The following DAPK1 variants were observed in gnomAD, a reference collection of about 807,000 sequenced individuals.
DAPK1 encodes death associated protein kinase 1, also known as death-associated protein kinase 1.
In DAPK1, 56 loss-of-function variants were observed where a neutral mutation model predicts 144.9. That is an observed-to-expected ratio of 0.39 (90% confidence interval 0.31 to 0.48). The LOEUF is 0.48. Among genes scored for constraint, DAPK1 ranks in the 20% least tolerant of loss-of-function variants. DAPK1 has a pLI of 0.95. For synonymous variants in DAPK1, 690 were observed against 749.0 expected (o/e 0.92, Z 1.29); for missense variants, 1,454 against 1,875.4 (o/e 0.78, Z 4.15).
chr9:87,580,689 G>C (rs1827722955), intron 2 of DAPK1, among the ~76,000 whole-genome samples: 1 of 152,152 alleles, frequency 6.6e-6, no homozygotes, highest in South Asian at 2.1e-4. Context: ...CTCCTACTCT[G>C]TATGACTTTA....
intron 2 of DAPK1, among the ~76,000 whole-genome samples, chr9:87,543,869 A>G (rs1563984295): frequency 2.0e-5 from 3 of 152,122 alleles, no homozygotes; most frequent in Non-Finnish European, 4.4e-5. Context: ...GTATTATGCT[A>G]TAGTTTTAAG....
chr9:87,650,205 G>T (rs766109774), intron 16 of DAPK1, 87 bp downstream of exon 16: 3 of 1,394,424 alleles, frequency 2.2e-6, no homozygotes, highest in Admixed American at 3.6e-5. Context: ...GTTTCCCTAA[G>T]ATAACAAACT....
intron 2 of DAPK1, among the ~76,000 whole-genome samples, chr9:87,537,846 C>T (rs1825911186): frequency 1.3e-5 from 2 of 152,052 alleles, no homozygotes; most frequent in South Asian, 2.1e-4. Flanking sequence ...AAAATCAAGC[C>T]CCTAAAGCTA....
At chr9:87,522,082 G>T (rs922664259) in intron 2 of DAPK1, among the ~76,000 whole-genome samples, 1 of 152,144 alleles carries the variant, frequency 6.6e-6, no homozygotes, top group African/African-American at 2.4e-5. Flanking sequence ...AGACTTCCCA[G>T]CCTCCAGGAC....
Position 87,653,347 on chromosome 9 carries a change from A to G in DAPK1, c.1824+1623A>G, listed in dbSNP as rs12353347. On this transcript the variant is annotated intron_variant, in intron 17 of 25. Coordinates refer to ENST00000408954, the MANE Select transcript of DAPK1 (RefSeq NM_004938.4). ...TGCATGTGTTTGTTGTTGAAAGTGA[A>G]TATTACTTATATGGACATGTACTTT... Among the ~76,000 whole-genome samples, 465 of 152,392 alleles carry G rather than the reference A, an allele frequency of 3.1e-3. 2 individuals carry two copies. The highest frequency in any genetic ancestry group is 9.4e-3 in the African/African-American group (389 of 41,602).
Position 87,667,345 on chromosome 9 carries a change from G to A in DAPK1, c.1924-1252G>A, listed in dbSNP as rs561254138. ...CCTGGGCTTCAACCGGCAGCCTAAG[G>A]CAGTGGTTCTCAGCAAGGCAATTTT... On this transcript the variant is annotated intron_variant, in intron 18 of 25. Transcript: ENST00000408954. Among the ~76,000 whole-genome samples the A allele has an allele frequency of 6.9e-4, 105 of 152,346 alleles. No individual in the cohort carries two copies. The Middle Eastern group carries it at 0.014, about 20-fold the overall frequency.
chr9:87,561,641 T>TC (rs1171574288), intron 2 of DAPK1, among the ~76,000 whole-genome samples: 1 of 152,216 alleles, frequency 6.6e-6, no homozygotes, highest in Non-Finnish European at 1.5e-5. Flanking sequence ...ATAAAGAAAT[T>TC]CCCCAGACCT....
chr9:87,639,895 T>TTGA, intron 7 of DAPK1, 80 bp downstream of exon 7: 1 of 1,476,078 alleles, frequency 6.8e-7, no homozygotes, highest in Non-Finnish European at 9.4e-7. Context: ...ATGTGCTGTG[T>TTGA]TGATCTCTTC....
intron 23 of DAPK1, 23 bp downstream of exon 23, chr9:87,698,817 C>T (rs753781944): frequency 2.6e-6 from 4 of 1,520,066 alleles, no homozygotes; most frequent in Admixed American, 1.7e-5. Flanking sequence ...CACTTAGTCT[C>T]CAGCTCACGG....
chr9:87,536,970 T>C (rs185880825), intron 2 of DAPK1, among the ~76,000 whole-genome samples: 37 of 152,112 alleles, frequency 2.4e-4, no homozygotes, highest in African/African-American at 8.2e-4. Context: ...AAAGTTGATA[T>C]TGGAGACATG....
At chr9:87,534,732 C>T (rs560979463) in intron 2 of DAPK1, among the ~76,000 whole-genome samples, 2 of 151,966 alleles carry the variant, frequency 1.3e-5, no homozygotes, top group African/African-American at 4.8e-5. Flanking sequence ...GCAACCTCCG[C>T]CTCCCAGGTT....
At chr9:87,652,339 T>A (rs2119185997) in intron 17 of DAPK1, among the ~76,000 whole-genome samples, 1 of 119,566 alleles carries the variant, frequency 8.4e-6, no homozygotes, top group Non-Finnish European at 1.7e-5. Context: ...TCCCACCTGA[T>A]CCCGGGTCCT....
At chr9:87,555,058 G>T (rs1283632906) in intron 2 of DAPK1, among the ~76,000 whole-genome samples, 1 of 152,216 alleles carries the variant, frequency 6.6e-6, no homozygotes, top group African/African-American at 2.4e-5. Flanking sequence ...AAAGAAGTGG[G>T]GAAAGCTGTG....
intron 3 of DAPK1, among the ~76,000 whole-genome samples, chr9:87,621,951 A>G (rs1829308805): frequency 6.6e-6 from 1 of 151,088 alleles, no homozygotes; most frequent in African/African-American, 2.4e-5. Flanking sequence ...CCTTTTTCAC[A>G]CGTTACCACC....
chr9:87,578,680 G>GA (rs1323154777), intron 2 of DAPK1, among the ~76,000 whole-genome samples: 1 of 152,170 alleles, frequency 6.6e-6, no homozygotes, highest in Non-Finnish European at 1.5e-5. Context: ...AACAAAACCA[G>GA]AAAACAATCC....
At chr9:87,606,056 T>C (rs941698791) in intron 3 of DAPK1, among the ~76,000 whole-genome samples, 2 of 152,256 alleles carry the variant, frequency 1.3e-5, no homozygotes, top group African/African-American at 4.8e-5. Context: ...GCTCCATCCA[T>C]TGAATTCAGC....
chr9:87,506,363 A>T (rs552749176), intron 2 of DAPK1, among the ~76,000 whole-genome samples: 1 of 152,356 alleles, frequency 6.6e-6, no homozygotes, highest in African/African-American at 2.4e-5. Flanking sequence ...GAACTTTCGC[A>T]GGCCTTAACG....
At chr9:87,671,161 C>G (rs1033353324) in intron 19 of DAPK1, among the ~76,000 whole-genome samples, 5 of 152,158 alleles carry the variant, frequency 3.3e-5, no homozygotes, top group Non-Finnish European at 5.9e-5. Context: ...AGTAGAGATG[C>G]AAAGCACCTT....
chr9:87,561,553 G>A (rs1327928282), intron 2 of DAPK1, among the ~76,000 whole-genome samples: 1 of 151,978 alleles, frequency 6.6e-6, no homozygotes, highest in African/African-American at 2.4e-5. Flanking sequence ...CACCAAATAT[G>A]TTAGCCAGAG....
Sources: gnomAD v4.1 joint callset for allele counts (sites outside exome capture counted in the v4.1 genomes callset) on GRCh38, gnomAD v4.1.1 for gene constraint, MANE v1.5 for transcripts, NCBI Gene and HGNC (gene_info 2026-07-23, HGNC 2026-07-21) for gene names.